C2orf42: variants seen among roughly 807,000 people sequenced by gnomAD.
The protein encoded by C2orf42 is chromosome 2 open reading frame 42.
A neutral mutation model predicts 58.9 loss-of-function variants in C2orf42; 44 were observed. That is an observed-to-expected ratio of 0.75 (90% CI 0.59 to 0.96). The LOEUF (loss-of-function observed/expected upper bound fraction) is 0.96, where lower values mean the gene tolerates loss of function less well. Ranked by LOEUF, C2orf42 falls within the 40% of genes least tolerant of loss-of-function variation. The pLI is 0.00. For synonymous variants in C2orf42, 239 were observed against 265.4 expected (o/e 0.90, Z 0.97); for missense variants, 630 against 699.2 (o/e 0.90, Z 1.12).
chr2:70,189,189 C>CTGCT (rs1675152969), intron 1 of C2orf42, among the ~76,000 whole-genome samples: 3 of 150,960 alleles, frequency 2.0e-5, no homozygotes, highest in Non-Finnish European at 4.4e-5. Context: ...GGCGGATCAC[C>CTGCT]TGAGGTCGGG....
intron 5 of C2orf42, among the ~76,000 whole-genome samples, chr2:70,170,181 G>GAAAA (rs11357432): frequency 8.7e-6 from 1 of 115,120 alleles, no homozygotes; most frequent in Non-Finnish European, 2.0e-5. Context: ...AGTTTGTCCA[G>GAAAA]AAAAAAAAAA....
intron 5 of C2orf42, among the ~76,000 whole-genome samples, chr2:70,175,068 T>C (rs184381814): frequency 2.8e-4 from 43 of 152,306 alleles, no homozygotes; most frequent in African/African-American, 9.9e-4. Context: ...TTTTTTAAAT[T>C]AAAAAAGATT....
intron 1 of C2orf42, among the ~76,000 whole-genome samples, chr2:70,184,915 C>G (rs967954136): frequency 8.1e-5 from 12 of 148,546 alleles, no homozygotes; most frequent in Admixed American, 7.5e-4. Flanking sequence ...ACAGTGAAAC[C>G]CTGTCTCTAC....
In C2orf42 at chr2:70,181,324, C is replaced by T. The variant is rs139242568; in HGVS notation, c.662G>A (p.Arg221His). Residue 221 changes from arginine to histidine, a missense_variant, in exon 3 of 10, where the codon CGC becomes CAC. Physicochemically the swap from Arg to His is conservative, Grantham distance 29. Transcript: ENST00000264434. ...KVSGKSLPER[R>H]FFCSCQTLKS... ...CAGAGTCTGACAGGAGCAGAAGAAG[C>T]GGCGCTCAGGCAAGCTTTTGCCACT... 1.6e-5 allele frequency: 26 copies of T among 1,613,824 alleles called. No homozygotes were observed. Among genetic ancestry groups the T allele is most frequent in the African/African-American group, 1.1e-4 (8 of 74,916 alleles).
At chr2:70,190,075 T>C (rs775444429) in intron 1 of C2orf42, 1 of 152,256 alleles carries the variant, frequency 6.6e-6, no homozygotes, top group Non-Finnish European at 1.5e-5. Context: ...TCTCACTGTT[T>C]GGCAGTATTT....
At chr2:70,188,540 T>G (rs1017489260) in intron 1 of C2orf42, among the ~76,000 whole-genome samples, 3 of 152,174 alleles carry the variant, frequency 2.0e-5, no homozygotes, top group Non-Finnish European at 2.9e-5. Context: ...TTTTAGATTT[T>G]CAGAAAAGTG....
Position 70,149,993 on chromosome 2 carries a change from C to T in C2orf42, c.*363G>A. The T allele has an allele frequency of 3.5e-6, 1 of 284,376 alleles. No homozygotes were observed. Among genetic ancestry groups the T allele is most frequent in the Non-Finnish European group, 6.8e-6 (1 of 146,990 alleles). The allele number at this position is 284,376 out of a possible 1,614,324, so 17.6% of individuals were successfully genotyped here. A position where few individuals can be genotyped will look rare whatever the true frequency, so the allele number is the denominator to read the frequency against. On this transcript the variant is annotated 3_prime_UTR_variant, in exon 10 of 10. Transcript: ENST00000264434. The stretch of plus-strand genomic sequence containing the variant: ...CTGCCCTAACCAGGGTGTTAACTTT[C>T]CAACACTGTTGGTGTATGGCTGAGT...
chr2:70,183,590 C>T (rs1489085355), intron 1 of C2orf42, among the ~76,000 whole-genome samples: 6 of 151,058 alleles, frequency 4.0e-5, no homozygotes, highest in South Asian at 2.1e-4. Context: ...CCACCATGCC[C>T]GGCTAATTTT....
intron 4 of C2orf42, among the ~76,000 whole-genome samples, chr2:70,179,087 T>C (rs1475249503): frequency 6.6e-6 from 1 of 152,162 alleles, no homozygotes; most frequent in East Asian, 1.9e-4. Context: ...AACTTCATAA[T>C]ACTATCCTAA....
At chr2:70,151,333 T>A (rs990648558) in intron 9 of C2orf42, among the ~76,000 whole-genome samples, 1 of 151,876 alleles carries the variant, frequency 6.6e-6, no homozygotes, top group African/African-American at 2.4e-5. Flanking sequence ...AACAAAGTAA[T>A]ACAAGAAAAC....
At position 70,179,536 on chromosome 2, in the gene C2orf42, T is replaced by C. The variant is rs2103618077; in HGVS notation, c.930A>G (p.Val310=). ...ACCAACCAACCAGACTCTTACCAGA[T>C]ACTTCATCCTTTCTCCTCTTCTTTG... ...SKSKKRRKDE[V]SGAQMNSSLL... The change falls in exon 4 of 10, where the codon GTA becomes GTG. Residue 310 remains valine (V), a synonymous_variant. Transcript: ENST00000264434. 1 of 1,370,934 alleles carries C rather than the reference T, an allele frequency of 7.3e-7. No homozygotes were observed. The highest frequency in any genetic ancestry group is 1.0e-6 in the Non-Finnish European group (1 of 962,598). The allele number at this position is 1,370,934 out of a possible 1,614,324, so 84.9% of individuals were successfully genotyped here.
intron 8 of C2orf42, among the ~76,000 whole-genome samples, chr2:70,161,841 A>C (rs1415682614): frequency 1.2e-5 from 1 of 85,250 alleles, no homozygotes; most frequent in Non-Finnish European, 2.0e-5. Context: ...AGTCCGTGTC[A>C]AAAAAAAAAA....
intron 9 of C2orf42, among the ~76,000 whole-genome samples, chr2:70,159,545 G>A (rs2104855970): frequency 6.7e-6 from 1 of 148,794 alleles, no homozygotes; most frequent in African/African-American, 2.5e-5. Context: ...CCAAGATCAT[G>A]CCACTGCACT....
intron 5 of C2orf42, 109 bp downstream of exon 5, chr2:70,175,564 G>T: frequency 2.6e-6 from 2 of 759,568 alleles, no homozygotes. Flanking sequence ...GCTTCTGTTA[G>T]TATTTATGCT....
intron 1 of C2orf42, among the ~76,000 whole-genome samples, chr2:70,189,715 CA>C (rs35750741): frequency 0.24 from 17,143 of 72,260 alleles, 1,420 homozygotes; most frequent in East Asian, 0.39. Flanking sequence ...GACTCCGTCT[CA>C]AAAAAAAAAA....
intron 5 of C2orf42, among the ~76,000 whole-genome samples, chr2:70,173,867 G>C (rs1373325383): frequency 2.0e-5 from 3 of 151,936 alleles, no homozygotes. Context: ...TGGGATTATA[G>C]GCGTGAGCCA....
Position 70,166,333 on chromosome 2 carries a change from A to G in C2orf42, c.1145-698T>C, listed in dbSNP as rs182907411. ...CACGCCACTGCACTCCAGCCTGGGC[A>G]ACAGAGTGAGACCCTCCCTCAAAAA... On this transcript the variant is annotated intron_variant, in intron 6 of 9. Transcript: ENST00000264434. Among the ~76,000 whole-genome samples, 967 of 150,784 alleles carry G rather than the reference A, an allele frequency of 6.4e-3. 6 individuals carry two copies. Among genetic ancestry groups the G allele is most frequent in the African/African-American group, 0.022 (920 of 41,094 alleles).
At chr2:70,155,420 C>CA (rs1672600056) in intron 9 of C2orf42, among the ~76,000 whole-genome samples, 1 of 152,112 alleles carries the variant, frequency 6.6e-6, no homozygotes, top group African/African-American at 2.4e-5. Context: ...CCCAGCCTCC[C>CA]AAAGTGCTGG....
intron 9 of C2orf42, among the ~76,000 whole-genome samples, chr2:70,153,428 G>A (rs975442868): frequency 1.4e-5 from 2 of 147,682 alleles, no homozygotes; most frequent in Non-Finnish European, 3.0e-5. Flanking sequence ...GTGCGATCTC[G>A]GCTCACTGCA....
Sources: gnomAD v4.1 joint callset for allele counts (sites outside exome capture counted in the v4.1 genomes callset) on GRCh38, gnomAD v4.1.1 for gene constraint, MANE v1.5 for transcripts, NCBI Gene and HGNC (gene_info 2026-07-23, HGNC 2026-07-21) for gene names.